The following YAF2 variants were observed in gnomAD, a reference collection of about 807,000 sequenced individuals.
YAF2 encodes YY1-associated factor 2.
YAF2 carries 7 observed loss-of-function variants against 20.1 expected under a neutral mutation model. The observed-to-expected ratio is 0.35, with a 90% CI of 0.20 to 0.65. YAF2 has a LOEUF of 0.65. YAF2 is among the 30% of genes least tolerant of loss of function. The pLI, the probability that YAF2 is intolerant of heterozygous loss-of-function variation, is 0.69. For missense variants in YAF2, 151 were observed against 219.2 expected, an observed-to-expected ratio of 0.69 and a Z score of 1.96; for synonymous variants, 74 against 76.0, an observed-to-expected ratio of 0.97 and a Z score of 0.14.
intron 2 of YAF2, chr12:42,233,266 T>C (rs1297547857): frequency 2.0e-6 from 2 of 985,438 alleles, no homozygotes; most frequent in Non-Finnish European, 2.4e-6. Flanking sequence ...TCTAACAAAA[T>C]GTAACATTAC....
chr12:42,203,384 T>C (rs1001615010), intron 2 of YAF2, among the ~76,000 whole-genome samples: 2 of 152,194 alleles, frequency 1.3e-5, no homozygotes, highest in African/African-American at 4.8e-5. Context: ...CTAGGGAGCA[T>C]CTCATCTCAT....
Position 42,160,405 on chromosome 12 carries a change from GA to G in YAF2, c.*183del. 1 of 574,610 alleles carries G rather than the reference GA, an allele frequency of 1.7e-6. No homozygotes were observed. Among genetic ancestry groups the G allele is most frequent in the Non-Finnish European group, 3.0e-6 (1 of 329,062 alleles). 35.6% of individuals were successfully genotyped at this position (574,610 alleles called of 1,614,324 possible). A position where few individuals can be genotyped will look rare whatever the true frequency, so the allele number is the denominator to read the frequency against. On this transcript the variant is annotated 3_prime_UTR_variant, in exon 4 of 4. Coordinates refer to ENST00000534854, the MANE Select transcript of YAF2 (RefSeq NM_005748.6). ...TGCAGAGACCAAAATGTTAAGTCTG[GA>G]AATGTTTGGTAGGCATCATTGCAAT... is the stretch of plus-strand genomic sequence containing the variant.
At chr12:42,207,537 GA>G (rs905165679) in intron 2 of YAF2, among the ~76,000 whole-genome samples, 10 of 151,942 alleles carry the variant, frequency 6.6e-5, no homozygotes, top group African/African-American at 2.2e-4. Context: ...TTGTTTTTAA[GA>G]AAAAAATATG....
chr12:42,209,150 C>T (rs1201239693), intron 2 of YAF2, among the ~76,000 whole-genome samples: 1 of 151,380 alleles, frequency 6.6e-6, no homozygotes, highest in Non-Finnish European at 1.5e-5. Flanking sequence ...ATTTTCATTA[C>T]AAACAAGGAA....
chr12:42,181,709 G>A (rs991544968), intron 2 of YAF2, among the ~76,000 whole-genome samples: 7 of 152,150 alleles, frequency 4.6e-5, no homozygotes, highest in South Asian at 2.1e-4. Context: ...ATAATTCACA[G>A]ATGCCAGAAT....
At chr12:42,222,217 T>C (rs902587284) in intron 2 of YAF2, among the ~76,000 whole-genome samples, 1 of 152,168 alleles carries the variant, frequency 6.6e-6, no homozygotes, top group Non-Finnish European at 1.5e-5. Flanking sequence ...AAGGAAAACA[T>C]ACCTTAAAGA....
At chr12:42,224,309 C>A (rs2067616757) in intron 2 of YAF2, among the ~76,000 whole-genome samples, 1 of 151,976 alleles carries the variant, frequency 6.6e-6, no homozygotes, top group East Asian at 1.9e-4. Flanking sequence ...TCTGATAGGC[C>A]CTTGATGTCA....
At chr12:42,185,167 G>C (rs766111964) in intron 2 of YAF2, among the ~76,000 whole-genome samples, 4 of 151,874 alleles carry the variant, frequency 2.6e-5, no homozygotes, top group Non-Finnish European at 5.9e-5. Context: ...AACAGAGCCA[G>C]ACTTTGTCGC....
intron 2 of YAF2, chr12:42,234,548 T>C: frequency 1.0e-6 from 1 of 985,406 alleles, no homozygotes; most frequent in Middle Eastern, 5.2e-4. Flanking sequence ...CAACAAATCA[T>C]TTTATTTTGA....
At chr12:42,177,983 TCTACCAGAATAGAATATAGGCTCC>T (rs2066241251) in intron 2 of YAF2, among the ~76,000 whole-genome samples, 1 of 152,126 alleles carries the variant, frequency 6.6e-6, no homozygotes, top group Non-Finnish European at 1.5e-5. Context: ...TCTGTTTTCC[TCTACCAGAATAGAATATAGGCTCC>T]CTACCACCCC....
At chr12:42,197,739 G>C (rs12312515) in intron 2 of YAF2, among the ~76,000 whole-genome samples, 9,526 of 152,162 alleles carry the variant, frequency 0.063, 486 homozygotes, top group East Asian at 0.15. Flanking sequence ...TATATAATCA[G>C]ACTCCAAATA....
intron 2 of YAF2, 22 bp downstream of exon 2, chr12:42,237,577 G>A (rs1055254445): frequency 2.7e-6 from 4 of 1,496,512 alleles, no homozygotes; most frequent in African/African-American, 2.9e-5. Flanking sequence ...CCGGCGGCGC[G>A]AGGGGCAGGC....
chr12:42,228,257 C>T (rs1182512894), intron 2 of YAF2, among the ~76,000 whole-genome samples: 3 of 79,040 alleles, frequency 3.8e-5, no homozygotes, highest in Non-Finnish European at 7.1e-5. Flanking sequence ...GGGGTGTCGG[C>T]CCCCCGCCCG....
chr12:42,176,831 G>A (rs772166092), intron 2 of YAF2, among the ~76,000 whole-genome samples: 1 of 152,104 alleles, frequency 6.6e-6, no homozygotes, highest in Non-Finnish European at 1.5e-5. Context: ...GCTAGGCGTG[G>A]TGCTGGGCGT....
At chr12:42,185,697 G>A (rs1034063779) in intron 2 of YAF2, among the ~76,000 whole-genome samples, 1 of 152,098 alleles carries the variant, frequency 6.6e-6, no homozygotes, top group African/African-American at 2.4e-5. Context: ...GAATTTTTTA[G>A]CTATATTTTA....
At chr12:42,164,550 A>G (rs2065868462) in intron 2 of YAF2, among the ~76,000 whole-genome samples, 1 of 152,174 alleles carries the variant, frequency 6.6e-6, no homozygotes, top group African/African-American at 2.4e-5. Flanking sequence ...AAGAAAGAAA[A>G]AGAGTATTAA....
chr12:42,185,771 A>G (rs1294179779), intron 2 of YAF2, among the ~76,000 whole-genome samples: 1 of 152,262 alleles, frequency 6.6e-6, no homozygotes, highest in Non-Finnish European at 1.5e-5. Flanking sequence ...AACAAACTAC[A>G]GAATGGTGTA....
At chr12:42,213,373 G>A (rs2067266158) in intron 2 of YAF2, among the ~76,000 whole-genome samples, 2 of 152,162 alleles carry the variant, frequency 1.3e-5, no homozygotes, top group Admixed American at 6.5e-5. Flanking sequence ...TGAGAGAAAA[G>A]GTGGGAAAAA....
At chr12:42,220,822 C>T (rs939405854) in intron 2 of YAF2, among the ~76,000 whole-genome samples, 1 of 152,152 alleles carries the variant, frequency 6.6e-6, no homozygotes, top group Non-Finnish European at 1.5e-5. Flanking sequence ...TTACACCATA[C>T]ACACACATCC....
Sources: allele counts gnomAD v4.1 joint callset (sites outside exome capture counted in the v4.1 genomes callset), GRCh38; gene constraint gnomAD v4.1.1; transcripts MANE v1.5; gene names NCBI Gene and HGNC (gene_info 2026-07-23, HGNC 2026-07-21).